The following PHACTR3 variants were observed in gnomAD, a reference collection of about 807,000 sequenced individuals.
PHACTR3 encodes protein phosphatase 1, regulatory subunit 123.
In PHACTR3, 16 loss-of-function variants were observed where a neutral mutation model predicts 66.8. The observed-to-expected ratio is 0.24, with a 90% CI of 0.16 to 0.36. PHACTR3 has a LOEUF of 0.36. Ranked by LOEUF, PHACTR3 falls within the 10% of genes least tolerant of loss-of-function variation. The probability of loss-of-function intolerance (pLI) is 1.00; values close to 1 mark genes in which losing one functional copy is unlikely to be tolerated. For synonymous variants in PHACTR3, 323 were observed against 292.1 expected, an observed-to-expected ratio of 1.11 and a Z score of -1.08; for missense variants, 647 against 719.9, an observed-to-expected ratio of 0.90 and a Z score of 1.16.
Position 59,591,476 on chromosome 20 carries a change from A to G in PHACTR3, c.109+13859A>G, listed in dbSNP as rs1432059531. 2.0e-5 allele frequency among the ~76,000 whole-genome samples: 3 copies of G among 152,310 alleles called. No individual in the cohort carries two copies. In the East Asian group the frequency reaches 5.8e-4, roughly 29 times the overall value. On this transcript the variant is annotated intron_variant, in intron 1 of 12. Transcript: ENST00000359926. Reference sequence around the variant, plus strand: ...TTTTAGGGTACAGATGAGGAAACTGAGGCCTCAGGAAGACAGCTGAGGTGT... The same window carrying G: ...TTTTAGGGTACAGATGAGGAAACTGGGGCCTCAGGAAGACAGCTGAGGTGT...
At chr20:59,709,835 A>G (rs2037848978) in intron 1 of PHACTR3, among the ~76,000 whole-genome samples, 1 of 151,946 alleles carries the variant, frequency 6.6e-6, no homozygotes, top group South Asian at 2.1e-4. Flanking sequence ...AGCACTTTCC[A>G]TTCTGCTGAG....
At chr20:59,743,936 C>T (rs2039270013) in intron 2 of PHACTR3, among the ~76,000 whole-genome samples, 1 of 152,346 alleles carries the variant, frequency 6.6e-6, no homozygotes, top group South Asian at 2.1e-4. Context: ...CCCCTCACAC[C>T]CTGCCAGCCC....
At chr20:59,728,799 G>A (rs2038657710) in intron 1 of PHACTR3, among the ~76,000 whole-genome samples, 4 of 152,000 alleles carry the variant, frequency 2.6e-5, no homozygotes, top group Admixed American at 2.6e-4. Context: ...TCACTCCAGT[G>A]GGGAGGGACC....
intron 1 of PHACTR3, among the ~76,000 whole-genome samples, chr20:59,690,346 T>A (rs2037065094): frequency 6.6e-6 from 1 of 152,216 alleles, no homozygotes; most frequent in Non-Finnish European, 1.5e-5. Flanking sequence ...CCAGGGCCCA[T>A]CACGTCATCC....
chr20:59,678,546 C>G (rs529653710), intron 1 of PHACTR3, among the ~76,000 whole-genome samples: 1 of 152,228 alleles, frequency 6.6e-6, no homozygotes, highest in South Asian at 2.1e-4. Context: ...TGGTGCTGAG[C>G]CTGTGCTGCT....
chr20:59,651,589 ACACAGGC>A (rs2035460307), intron 1 of PHACTR3, among the ~76,000 whole-genome samples: 1 of 152,356 alleles, frequency 6.6e-6, no homozygotes, highest in Non-Finnish European at 1.5e-5. Context: ...GTAAAATAGC[ACACAGGC>A]AATGGTATTT....
intron 1 of PHACTR3, among the ~76,000 whole-genome samples, chr20:59,590,166 A>G (rs1023978121): frequency 2.0e-5 from 3 of 152,226 alleles, no homozygotes; most frequent in African/African-American, 7.2e-5. Context: ...TTGTTATGTT[A>G]TGTACTAACC....
chr20:59,612,726 A>G (rs1445107488), intron 1 of PHACTR3, among the ~76,000 whole-genome samples: 1 of 152,144 alleles, frequency 6.6e-6, no homozygotes, highest in East Asian at 1.9e-4. Context: ...CCAGATTTTT[A>G]TATGACATGT....
intron 8 of PHACTR3, among the ~76,000 whole-genome samples, chr20:59,821,055 A>G (rs1279999726): frequency 1.3e-5 from 2 of 152,234 alleles, no homozygotes; most frequent in African/African-American, 4.8e-5. Flanking sequence ...ACTAACATGT[A>G]TGAAACCCAT....
chr20:59,686,138 A>G (rs920275760), intron 1 of PHACTR3, among the ~76,000 whole-genome samples: 2 of 152,188 alleles, frequency 1.3e-5, no homozygotes, highest in Non-Finnish European at 2.9e-5. Flanking sequence ...TTCAGCTCAT[A>G]TCTTTTAATA....
At chr20:59,743,664 G>T (rs1418268298) in intron 2 of PHACTR3, among the ~76,000 whole-genome samples, 1 of 152,214 alleles carries the variant, frequency 6.6e-6, no homozygotes, top group Non-Finnish European at 1.5e-5. Flanking sequence ...CGCGACTCCC[G>T]CACCACCTCA....
intron 1 of PHACTR3, among the ~76,000 whole-genome samples, chr20:59,704,966 T>G (rs2037646965): frequency 6.6e-6 from 1 of 151,708 alleles, no homozygotes; most frequent in Non-Finnish European, 1.5e-5. Context: ...CTCTTTTTTT[T>G]TTTTTTTTGA....
intron 1 of PHACTR3, among the ~76,000 whole-genome samples, chr20:59,676,470 C>T (rs866969459): frequency 1.5e-4 from 23 of 152,162 alleles, no homozygotes; most frequent in African/African-American, 5.3e-4. Flanking sequence ...ACCCCCACCT[C>T]ATCTCTGCTT....
At chr20:59,691,671 G>A (rs2037113139) in intron 1 of PHACTR3, among the ~76,000 whole-genome samples, 1 of 151,954 alleles carries the variant, frequency 6.6e-6, no homozygotes, top group Non-Finnish European at 1.5e-5. Context: ...TTTGCTATAT[G>A]TCTTTTAAAT....
chr20:59,810,579 A>T (rs2041705761), intron 8 of PHACTR3, among the ~76,000 whole-genome samples: 2 of 152,204 alleles, frequency 1.3e-5, no homozygotes, highest in Non-Finnish European at 2.9e-5. Flanking sequence ...TGCCATGGCA[A>T]CGTGCCATCT....
chr20:59,681,259 C>T (rs1171087662), intron 1 of PHACTR3, among the ~76,000 whole-genome samples: 1 of 152,156 alleles, frequency 6.6e-6, no homozygotes, highest in Non-Finnish European at 1.5e-5. Context: ...TTGGAGATTC[C>T]ACACGTACAC....
intron 1 of PHACTR3, among the ~76,000 whole-genome samples, chr20:59,645,873 T>C (rs1191219862): frequency 6.6e-6 from 1 of 152,134 alleles, no homozygotes; most frequent in Non-Finnish European, 1.5e-5. Context: ...AATTAATGAA[T>C]GAGTTTCTTT....
chr20:59,839,523 A>G (rs1201048964), intron 9 of PHACTR3, among the ~76,000 whole-genome samples: 1 of 152,154 alleles, frequency 6.6e-6, no homozygotes, highest in Admixed American at 6.5e-5. Flanking sequence ...CTAGGAATGG[A>G]GCTATGTTCA....
chr20:59,817,097 A>G (rs1568851212), intron 8 of PHACTR3, among the ~76,000 whole-genome samples: 1 of 152,268 alleles, frequency 6.6e-6, no homozygotes, highest in African/African-American at 2.4e-5. Flanking sequence ...GTTCAGTACA[A>G]TAAGTGTTTA....
Sources: allele counts gnomAD v4.1 joint callset (sites outside exome capture counted in the v4.1 genomes callset), GRCh38; gene constraint gnomAD v4.1.1; transcripts MANE v1.5; gene names NCBI Gene and HGNC (gene_info 2026-07-23, HGNC 2026-07-21).